Variants in UPF2 observed in about 807,000 individuals in gnomAD.
UPF2 encodes regulator of nonsense transcripts 2.
Under a neutral mutation model 141.4 loss-of-function variants are expected in UPF2, and 17 were observed. The observed-to-expected ratio is 0.12, with a 90% CI of 0.08 to 0.18. The LOEUF is 0.18. Ranked by LOEUF, UPF2 falls within the 10% of genes least tolerant of loss-of-function variation. UPF2 has a pLI of 1.00. For missense variants in UPF2, 1,152 were observed against 1,515.9 expected, an observed-to-expected ratio of 0.76 and a Z score of 3.99; for synonymous variants, 540 against 498.0, an observed-to-expected ratio of 1.08 and a Z score of -1.12.
intron 1 of UPF2, among the ~76,000 whole-genome samples, chr10:12,037,954 T>C (rs1227412048): frequency 6.6e-6 from 1 of 152,160 alleles, no homozygotes; most frequent in Non-Finnish European, 1.5e-5. Flanking sequence ...CCTTCTCCTT[T>C]TTCTTTTACT....
intron 5 of UPF2, among the ~76,000 whole-genome samples, chr10:12,002,290 T>A (rs11257473): frequency 0.38 from 57,631 of 152,054 alleles, 13,162 homozygotes; most frequent in Non-Finnish European, 0.51. Context: ...ATATACATTA[T>A]GCTCATTGAG....
At chr10:11,989,963 C>T (rs753479721) in intron 8 of UPF2, among the ~76,000 whole-genome samples, 7 of 152,180 alleles carry the variant, frequency 4.6e-5, no homozygotes, top group Non-Finnish European at 1.0e-4. Context: ...CCTATCCTGG[C>T]TTATCCATTT....
intron 21 of UPF2, among the ~76,000 whole-genome samples, chr10:11,927,308 G>A (rs913411310): frequency 6.6e-6 from 1 of 152,216 alleles, no homozygotes; most frequent in Non-Finnish European, 1.5e-5. Flanking sequence ...ATTCAGAGAC[G>A]TTAGGCTGCA....
In UPF2 at chr10:11,956,870, G is replaced by A. The variant is rs997262464; in HGVS notation, c.2371-347C>T. Among the ~76,000 whole-genome samples the A allele has an allele frequency of 6.6e-6, 1 of 152,060 alleles. No homozygotes were observed. Among genetic ancestry groups the A allele is most frequent in the Non-Finnish European group, 1.5e-5 (1 of 68,002 alleles). On this transcript the variant is annotated intron_variant, in intron 12 of 21. Coordinates refer to ENST00000357604, the MANE Select transcript of UPF2 (RefSeq NM_015542.4). This position sits in a 1 kb window ranked among gnomAD's most constrained non-coding sequence, Gnocchi z 4.2. ...CAGTCTCACTCTGTCACCCAGGCTG[G>A]AGTGCAGTAGCGCAATCTTGACTCA... is the stretch of plus-strand genomic sequence containing the variant.
At chr10:11,993,881 T>C (rs549710685) in intron 8 of UPF2, among the ~76,000 whole-genome samples, 7 of 152,188 alleles carry the variant, frequency 4.6e-5, no homozygotes, top group African/African-American at 1.7e-4. Context: ...CCCGGCTACT[T>C]GCGAGGCTAA....
chr10:11,951,529 T>C (rs902397222), intron 15 of UPF2, among the ~76,000 whole-genome samples: 11 of 152,114 alleles, frequency 7.2e-5, no homozygotes, highest in African/African-American at 2.7e-4. Flanking sequence ...CAAAACAACC[T>C]CAGGATACTA....
At chr10:11,971,261 T>C (rs1293194297) in intron 9 of UPF2, among the ~76,000 whole-genome samples, 4 of 129,616 alleles carry the variant, frequency 3.1e-5, no homozygotes, top group Non-Finnish European at 6.7e-5. Context: ...TTTCTTTCTT[T>C]TTTTTTTTTT....
chr10:11,936,862 T>C lies in UPF2; in HGVS notation c.3379-150A>G, dbSNP rs1832857932. 2.7e-6 allele frequency: 2 copies of C among 731,148 alleles called. No homozygotes were observed. Among genetic ancestry groups the C allele is most frequent in the Non-Finnish European group, 4.1e-6 (2 of 487,220 alleles). 45.3% of individuals were successfully genotyped at this position (731,148 alleles called of 1,614,324 possible). On this transcript the variant is annotated intron_variant, in intron 18 of 21. Transcript: ENST00000357604. The surrounding 1 kb of genome is among the most constrained non-coding windows in gnomAD (Gnocchi z 6.6). Reference sequence around the variant, plus strand: ...TCAACAATTACAACCACCATAATACTCTTTCTGAAACGTGGATAAATCTAG... The same window carrying C: ...TCAACAATTACAACCACCATAATACCCTTTCTGAAACGTGGATAAATCTAG...
In UPF2 at chr10:11,939,039, A is replaced by AT. The variant is rs1343205742; in HGVS notation, c.3379-2328dup. Among the ~76,000 whole-genome samples, 2 of 150,860 alleles carry AT rather than the reference A, an allele frequency of 1.3e-5. No homozygotes were observed. The highest frequency in any genetic ancestry group is 6.6e-5 in the Admixed American group (1 of 15,166). On this transcript the variant is annotated intron_variant, in intron 18 of 21. Transcript: ENST00000357604. The surrounding 1 kb of genome is among the most constrained non-coding windows in gnomAD (Gnocchi z 4.8). Reference sequence around the variant, plus strand: ...AGGCACCCACCACCACAACCAGCTAATTTTTTGTATTTACTGGAGACGGGG... The same window carrying AT: ...AGGCACCCACCACCACAACCAGCTAATTTTTTTGTATTTACTGGAGACGGGG...
At chr10:11,926,293 G>A (rs1029255878) in intron 21 of UPF2, among the ~76,000 whole-genome samples, 1 of 152,208 alleles carries the variant, frequency 6.6e-6, no homozygotes, top group African/African-American at 2.4e-5. Context: ...AGGAGTCTGG[G>A]GCAGGGGCAC....
intron 4 of UPF2, among the ~76,000 whole-genome samples, chr10:12,009,027 T>C (rs1834085187): frequency 6.6e-6 from 1 of 152,194 alleles, no homozygotes; most frequent in Non-Finnish European, 1.5e-5. Context: ...GAACTCACTC[T>C]TTTTTATGGC....
rs570743430 is a variant in UPF2 at position 11,970,915 on chromosome 10, T to A, written c.1954-3461A>T. Among the ~76,000 whole-genome samples the A allele has an allele frequency of 5.9e-5, 9 of 152,180 alleles. 1 individual carries two copies. The highest frequency in any genetic ancestry group is 1.9e-4 in the African/African-American group (8 of 41,562). On this transcript the variant is annotated intron_variant, in intron 9 of 21. Transcript: ENST00000357604. ...TATATATATATATTTTTAAATCTCC[T>A]TGGATGACGTTGGATGCATATCCTC...
chr10:11,934,852 T>A lies in UPF2; in HGVS notation c.3546+1693A>T, dbSNP rs192232755. Among the ~76,000 whole-genome samples the A allele has an allele frequency of 1.4e-4, 21 of 152,276 alleles. No individual in the cohort carries two copies. In the East Asian group the frequency reaches 4.1e-3, roughly 29 times the overall value. ...ATCCGCCCGCCTTGGCCTCCCAAAG[T>A]GCTGGGATTACAGGTGTGAGCCACT... On this transcript the variant is annotated intron_variant, in intron 19 of 21. Coordinates refer to ENST00000357604, the MANE Select transcript of UPF2 (RefSeq NM_015542.4).
intron 9 of UPF2, among the ~76,000 whole-genome samples, chr10:11,976,859 G>T (rs1833513410): frequency 6.6e-6 from 1 of 152,202 alleles, no homozygotes; most frequent in South Asian, 2.1e-4. Context: ...GTGAGGAGCT[G>T]CATGTGCATT....
In UPF2 at chr10:11,967,463, T is replaced by A; in HGVS notation, c.1954-9A>T. 1 of 1,503,748 alleles carries A rather than the reference T, an allele frequency of 6.7e-7. No individual in the cohort carries two copies. Among genetic ancestry groups the A allele is most frequent in the Non-Finnish European group, 9.0e-7 (1 of 1,107,700 alleles). The allele number at this position is 1,503,748 out of a possible 1,614,324, so 93.2% of individuals were successfully genotyped here. A position where few individuals can be genotyped will look rare whatever the true frequency, so the allele number is the denominator to read the frequency against. On this transcript the variant is annotated splice_polypyrimidine_tract_variant and intron_variant, in intron 9 of 21. Transcript: ENST00000357604. ...TGGTCCTTTTTCCGTACCTAAAAAT[T>A]AAGAGAGAAAAGATAATGCTTAATC...
In UPF2 at chr10:11,979,960, C is replaced by T. The variant is rs1833566385; in HGVS notation, c.1845-795G>A. Among the ~76,000 whole-genome samples, 3 of 152,152 alleles carry T rather than the reference C, an allele frequency of 2.0e-5. No individual in the cohort carries two copies. The highest frequency in any genetic ancestry group is 4.4e-5 in the Non-Finnish European group (3 of 68,024). On this transcript the variant is annotated intron_variant, in intron 8 of 21. Coordinates refer to ENST00000357604, the MANE Select transcript of UPF2 (RefSeq NM_015542.4). The surrounding 1 kb of genome is among the most constrained non-coding windows in gnomAD (Gnocchi z 6.2). ...ATAACTGAAAAAACCTCTACGAAGG[C>T]AAAATAATATTACAAAATCTAAATA...
At chr10:11,985,425 C>T (rs1012819571) in intron 8 of UPF2, among the ~76,000 whole-genome samples, 1 of 152,082 alleles carries the variant, frequency 6.6e-6, no homozygotes, top group African/African-American at 2.4e-5. Flanking sequence ...ATCACGAGGT[C>T]AGGAGATGGA....
chr10:12,020,260 T>A (rs964210790), intron 3 of UPF2, among the ~76,000 whole-genome samples: 7 of 151,788 alleles, frequency 4.6e-5, no homozygotes, highest in South Asian at 2.1e-4. Flanking sequence ...ATTTTTTTTT[T>A]AATTTTTTTG....
intron 9 of UPF2, among the ~76,000 whole-genome samples, chr10:11,972,987 T>C (rs1384646650): frequency 1.3e-5 from 2 of 152,238 alleles, no homozygotes; most frequent in African/African-American, 2.4e-5. Context: ...TGAACTACTT[T>C]ACAGTCCCAC....
Sources: allele counts gnomAD v4.1 joint callset (sites outside exome capture counted in the v4.1 genomes callset), GRCh38; gene constraint gnomAD v4.1.1; non-coding constraint Gnocchi (gnomAD v3.1); transcripts MANE v1.5; gene names NCBI Gene and HGNC (gene_info 2026-07-23, HGNC 2026-07-21).